Variants in RP1 observed in about 807,000 individuals in gnomAD.
RP1 encodes the protein oxygen-regulated protein 1.
RP1 carries 16 observed loss-of-function variants against 14.8 expected under a neutral mutation model. The ratio of observed to expected loss-of-function variants is 1.08; its 90% confidence interval spans 0.73 to 1.65. The LOEUF is 1.65. Among genes scored for constraint, RP1 ranks in the 40% most tolerant of loss-of-function variants. The probability of loss-of-function intolerance (pLI) is 0.00; values close to 1 mark genes in which losing one functional copy is unlikely to be tolerated. For missense variants in RP1, 2,631 were observed against 2,535.0 expected (o/e 1.04, Z -0.81); for synonymous variants, 876 against 883.6 (o/e 0.99, Z 0.15).
intron 1 of RP1, among the ~76,000 whole-genome samples, chr8:54,608,885 G>A (rs543845210): frequency 1.3e-5 from 2 of 152,138 alleles, no homozygotes; most frequent in African/African-American, 2.4e-5. Context: ...TGAAGATGGG[G>A]GCTGGGACTG....
chr8:54,690,804 T>C (rs143258304), intron 12 of RP1, among the ~76,000 whole-genome samples: 24 of 152,148 alleles, frequency 1.6e-4, no homozygotes, highest in African/African-American at 5.5e-4. Context: ...TAGTTTCAAG[T>C]GTTGTACTGC....
chr8:54,567,835 G>A (rs1804440080), intron 1 of RP1, among the ~76,000 whole-genome samples: 1 of 152,184 alleles, frequency 6.6e-6, no homozygotes, highest in Non-Finnish European at 1.5e-5. Context: ...TTGTTTATGT[G>A]TGTGTTGTGG....
chr8:54,661,289 A>C (rs74957636), intron 6 of RP1, among the ~76,000 whole-genome samples: 145 of 132,658 alleles, frequency 1.1e-3, no homozygotes, highest in African/African-American at 1.9e-3. Flanking sequence ...TATGATATAT[A>C]AATGATATAT....
intron 1 of RP1, among the ~76,000 whole-genome samples, chr8:54,594,920 A>T (rs1805106394): frequency 6.6e-6 from 1 of 152,284 alleles, no homozygotes; most frequent in South Asian, 2.1e-4. Flanking sequence ...AGTGGGAAGG[A>T]TGGGAATAAA....
At chr8:54,722,810 T>A (rs1359980114) in intron 16 of RP1, among the ~76,000 whole-genome samples, 2 of 152,110 alleles carry the variant, frequency 1.3e-5, no homozygotes, top group Non-Finnish European at 1.5e-5. Flanking sequence ...TAAGTTTACA[T>A]CTCAAGAGAC....
At chr8:54,803,632 G>A (rs1810768191) in intron 24 of RP1, among the ~76,000 whole-genome samples, 2 of 152,086 alleles carry the variant, frequency 1.3e-5, no homozygotes, top group Non-Finnish European at 2.9e-5. Flanking sequence ...TATTACAAAG[G>A]ATTTCCAGGG....
At chr8:54,824,112 T>A (rs1811327335) in intron 24 of RP1, among the ~76,000 whole-genome samples, 1 of 148,276 alleles carries the variant, frequency 6.7e-6, no homozygotes, top group Non-Finnish European at 1.5e-5. Context: ...TTTGCCCATT[T>A]TCTAATTGGA....
chr8:54,765,520 G>A (rs1488276861), intron 22 of RP1, among the ~76,000 whole-genome samples: 2 of 152,210 alleles, frequency 1.3e-5, no homozygotes, highest in Non-Finnish European at 1.5e-5. Context: ...CTGCCTGAAG[G>A]TGTTAGTGTG....
intron 28 of RP1, among the ~76,000 whole-genome samples, chr8:54,868,670 G>T (rs753933483): frequency 7.2e-5 from 11 of 152,038 alleles, no homozygotes; most frequent in Non-Finnish European, 1.5e-4. Context: ...TTCTACTGAA[G>T]AATTCCCTGC....
At chr8:54,808,557 T>G (rs1385634808) in intron 24 of RP1, among the ~76,000 whole-genome samples, 1 of 152,236 alleles carries the variant, frequency 6.6e-6, no homozygotes, top group Non-Finnish European at 1.5e-5. Context: ...TTTATGGGAT[T>G]GGAATACCCA....
downstream of RP1, among the ~76,000 whole-genome samples, chr8:54,632,352 C>T (rs1806264697): frequency 6.6e-6 from 1 of 152,112 alleles, no homozygotes; most frequent in Admixed American, 6.6e-5. Flanking sequence ...GTCCTTCATG[C>T]ATCATAATTG....
At chr8:54,721,961 G>A (rs1320774602) in intron 16 of RP1, among the ~76,000 whole-genome samples, 5 of 152,066 alleles carry the variant, frequency 3.3e-5, no homozygotes, top group Non-Finnish European at 7.4e-5. Flanking sequence ...AAGTTTGTAG[G>A]GCCGGGCACT....
intron 1 of RP1, among the ~76,000 whole-genome samples, chr8:54,589,572 T>A (rs1225023421): frequency 1.3e-5 from 2 of 152,214 alleles, no homozygotes; most frequent in Non-Finnish European, 2.9e-5. Flanking sequence ...TTGTTTCTGC[T>A]GCTCAGCTCT....
At chr8:54,761,444 C>T (rs544255076) in intron 22 of RP1, among the ~76,000 whole-genome samples, 1 of 151,996 alleles carries the variant, frequency 6.6e-6, no homozygotes, top group Non-Finnish European at 1.5e-5. Flanking sequence ...ACCATGTTGG[C>T]CAGGCTGGTC....
intron 16 of RP1, among the ~76,000 whole-genome samples, chr8:54,722,836 C>T (rs1308520589): frequency 2.8e-4 from 42 of 152,256 alleles, no homozygotes; most frequent in Admixed American, 2.7e-3. Flanking sequence ...CTGTTGCCCC[C>T]AGACATGCAA....
intron 26 of RP1, among the ~76,000 whole-genome samples, chr8:54,855,063 T>G (rs1475547153): frequency 6.6e-6 from 1 of 152,172 alleles, no homozygotes; most frequent in Non-Finnish European, 1.5e-5. Context: ...TAAACGACTC[T>G]CCATTCTTCA....
exon 23 of RP1, chr8:54,769,945 G>T: frequency 1.7e-6 from 1 of 591,122 alleles, no homozygotes; most frequent in Non-Finnish European, 2.9e-6. Context: ...ATTCCTCACA[G>T]TGAAATAAAA....
At chr8:54,807,643 T>TATC (rs1233944093) in intron 24 of RP1, among the ~76,000 whole-genome samples, 3 of 53,776 alleles carry the variant, frequency 5.6e-5, no homozygotes, top group African/African-American at 1.8e-4. Context: ...TCTATCTATC[T>TATC]ATCTATCTAT....
At chr8:54,753,266 C>T (rs1809418551) in intron 19 of RP1, among the ~76,000 whole-genome samples, 1 of 152,184 alleles carries the variant, frequency 6.6e-6, no homozygotes. Flanking sequence ...TGACAAATAC[C>T]CATTTCACGT....
Sources: gnomAD v4.1 joint callset for allele counts (sites outside exome capture counted in the v4.1 genomes callset) on GRCh38, gnomAD v4.1.1 for gene constraint, MANE v1.5 for transcripts, NCBI Gene and HGNC (gene_info 2026-07-23, HGNC 2026-07-21) for gene names.